Variants in FYN observed in about 807,000 individuals in gnomAD.
FYN encodes FYN proto-oncogene, Src family tyrosine kinase.
Under a neutral mutation model 70.2 loss-of-function variants are expected in FYN, and 10 were observed. That is an observed-to-expected ratio of 0.14 (90% CI 0.09 to 0.24). The LOEUF (loss-of-function observed/expected upper bound fraction) is 0.24. FYN is among the 10% of genes least tolerant of loss of function. The pLI, the probability that FYN is intolerant of heterozygous loss-of-function variation, is 1.00. For synonymous variants in FYN, 236 were observed against 248.6 expected, an observed-to-expected ratio of 0.95 and a Z score of 0.48; for missense variants, 319 against 673.1, an observed-to-expected ratio of 0.47 and a Z score of 5.82.
chr6:111,748,355 G>T (rs771599315), intron 3 of FYN, among the ~76,000 whole-genome samples: 1 of 152,230 alleles, frequency 6.6e-6, no homozygotes, highest in Non-Finnish European at 1.5e-5. Context: ...CATGGAATTA[G>T]ATGAAGACAG....
At chr6:111,722,390 T>C (rs1447075518) in intron 3 of FYN, among the ~76,000 whole-genome samples, 1 of 152,226 alleles carries the variant, frequency 6.6e-6, no homozygotes, top group Non-Finnish European at 1.5e-5. Context: ...CAAGGCATGA[T>C]GTACTAAAGG....
intron 1 of FYN, among the ~76,000 whole-genome samples, chr6:111,859,716 G>A (rs557229156): frequency 6.0e-4 from 91 of 152,266 alleles, no homozygotes; most frequent in Non-Finnish European, 9.1e-4. Context: ...CCCTCTGAGT[G>A]ACTGCTACTT....
At chr6:111,708,775 T>C (rs1190909985) in intron 5 of FYN, among the ~76,000 whole-genome samples, 2 of 152,180 alleles carry the variant, frequency 1.3e-5, no homozygotes, top group Non-Finnish European at 2.9e-5. Flanking sequence ...GTGAGATTTT[T>C]AGTCACGCCA....
At chr6:111,838,957 G>A (rs368441312) in intron 2 of FYN, among the ~76,000 whole-genome samples, 8 of 152,132 alleles carry the variant, frequency 5.3e-5, no homozygotes, top group East Asian at 1.9e-4. Flanking sequence ...ACTTCAGACC[G>A]GGGCTTCCTT....
intron 3 of FYN, among the ~76,000 whole-genome samples, chr6:111,778,740 C>T (rs1053519656): frequency 2.0e-5 from 3 of 151,962 alleles, no homozygotes; most frequent in African/African-American, 2.4e-5. Flanking sequence ...GTGAGCTGCC[C>T]GCCTCAGCCT....
At chr6:111,817,343 T>G (rs1221032042) in intron 2 of FYN, among the ~76,000 whole-genome samples, 1 of 152,180 alleles carries the variant, frequency 6.6e-6, no homozygotes, top group Non-Finnish European at 1.5e-5. Flanking sequence ...CAGATAACAT[T>G]CACAGGGTAA....
intron 3 of FYN, among the ~76,000 whole-genome samples, chr6:111,735,314 G>C (rs1562497346): frequency 6.6e-6 from 1 of 152,234 alleles, no homozygotes; most frequent in Non-Finnish European, 1.5e-5. Flanking sequence ...GGCTGAGCTT[G>C]AGAAGCAGTC....
intron 3 of FYN, among the ~76,000 whole-genome samples, chr6:111,723,974 T>C (rs1801073054): frequency 6.6e-6 from 1 of 152,152 alleles, no homozygotes; most frequent in South Asian, 2.1e-4. Context: ...GAAAAACTGG[T>C]GAAGGGCATT....
At chr6:111,669,660 G>C (rs913768704) in intron 13 of FYN, among the ~76,000 whole-genome samples, 1 of 152,116 alleles carries the variant, frequency 6.6e-6, no homozygotes, top group Non-Finnish European at 1.5e-5. Context: ...ATCCATGTGT[G>C]AAGATGATGG....
rs59637950 is a variant in FYN at position 111,684,010 on chromosome 6, C to T, written c.1274-9380G>A. 8.3e-3 allele frequency among the ~76,000 whole-genome samples: 1,264 copies of T among 152,302 alleles called. 14 individuals are homozygous for T. The highest frequency in any genetic ancestry group is 0.029 in the African/African-American group (1,189 of 41,558). On this transcript the variant is annotated intron_variant, in intron 12 of 13. Coordinates refer to ENST00000354650, the MANE Select transcript of FYN (RefSeq NM_002037.5). ...GGTGTTTTCCAGTTATCCCCGGTGA[C>T]GCACTCTGTTGAAACTTCTACTTCA...
intron 8 of FYN, among the ~76,000 whole-genome samples, chr6:111,701,118 A>G (rs1799814622): frequency 6.6e-6 from 1 of 152,204 alleles, no homozygotes; most frequent in Non-Finnish European, 1.5e-5. Flanking sequence ...AAAAAGAAGA[A>G]AGGAAAAAGT....
chr6:111,757,271 C>T (rs774633990), intron 3 of FYN, among the ~76,000 whole-genome samples: 3 of 152,164 alleles, frequency 2.0e-5, no homozygotes, highest in Non-Finnish European at 4.4e-5. Flanking sequence ...TCCTGCTCTT[C>T]AACAGGCACC....
chr6:111,663,073 C>T (rs1797833114), intron 13 of FYN, among the ~76,000 whole-genome samples: 1 of 152,228 alleles, frequency 6.6e-6, no homozygotes, highest in Non-Finnish European at 1.5e-5. Flanking sequence ...CAACTACTGC[C>T]AGCCACTATT....
Position 111,792,180 on chromosome 6 carries a change from A to G in FYN, c.-81-11545T>C, listed in dbSNP as rs367657755. On this transcript the variant is annotated intron_variant, in intron 2 of 13. Transcript: ENST00000354650. ...AAGGAAAAGGCAGACAATCCAATAA[A>G]GAAATAGACAAATACTCGAGAGGAC... 5.1e-4 allele frequency among the ~76,000 whole-genome samples: 78 copies of G among 152,374 alleles called. 1 individual carries two copies. In the South Asian group the frequency reaches 0.015, roughly 29 times the overall value.
chr6:111,734,846 T>C (rs1388110845), intron 3 of FYN, among the ~76,000 whole-genome samples: 9 of 152,234 alleles, frequency 5.9e-5, no homozygotes, highest in Non-Finnish European at 1.2e-4. Context: ...TCAACAAGCA[T>C]ATTTTGATCC....
chr6:111,679,060 TC>T (rs1448118505), intron 12 of FYN, among the ~76,000 whole-genome samples: 1 of 152,166 alleles, frequency 6.6e-6, no homozygotes, highest in African/African-American at 2.4e-5. Context: ...CTTCTTATCA[TC>T]CCAGACTTGT....
At chr6:111,764,263 G>GA (rs1257607634) in intron 3 of FYN, among the ~76,000 whole-genome samples, 1 of 93,032 alleles carries the variant, frequency 1.1e-5, no homozygotes, top group Non-Finnish European at 2.3e-5. Flanking sequence ...AAAGAAAAAA[G>GA]AAAAAAGCGA....
intron 2 of FYN, among the ~76,000 whole-genome samples, chr6:111,801,724 A>G (rs976673444): frequency 3.9e-5 from 6 of 152,218 alleles, no homozygotes; most frequent in African/African-American, 1.4e-4. Context: ...TGGGTTGTGC[A>G]CTGTTTTTGT....
intron 1 of FYN, among the ~76,000 whole-genome samples, chr6:111,847,833 T>C (rs1364503405): frequency 6.6e-6 from 1 of 152,190 alleles, no homozygotes; most frequent in African/African-American, 2.4e-5. Context: ...ATTCAAATCA[T>C]GAACTCACTG....
Sources: allele counts gnomAD v4.1 joint callset (sites outside exome capture counted in the v4.1 genomes callset), GRCh38; gene constraint gnomAD v4.1.1; transcripts MANE v1.5; gene names NCBI Gene and HGNC (gene_info 2026-07-23, HGNC 2026-07-21).